Variants in GRID1 observed in about 807,000 individuals in gnomAD.
GRID1 encodes glutamate ionotropic receptor delta type subunit 1, also known as glutamate receptor ionotropic, delta-1.
Under a neutral mutation model 98.0 loss-of-function variants are expected in GRID1, and 28 were observed. The ratio of observed to expected loss-of-function variants is 0.29; its 90% CI spans 0.21 to 0.39. The LOEUF is 0.39. Ranked by LOEUF, GRID1 falls within the 10% of genes least tolerant of loss-of-function variation. GRID1 has a pLI of 1.00. For missense variants in GRID1, 1,111 were observed against 1,340.5 expected, an observed-to-expected ratio of 0.83 and a Z score of 2.67; for synonymous variants, 553 against 538.5, an observed-to-expected ratio of 1.03 and a Z score of -0.37.
chr10:85,877,767 C>T (rs572980822), intron 5 of GRID1, among the ~76,000 whole-genome samples: 11 of 152,268 alleles, frequency 7.2e-5, no homozygotes, highest in East Asian at 1.9e-4. Context: ...CAAAGCTGAA[C>T]GGAGAATGAC....
At chr10:86,042,053 T>C (rs753951290) in intron 4 of GRID1, among the ~76,000 whole-genome samples, 61 of 152,016 alleles carry the variant, frequency 4.0e-4, no homozygotes, top group Admixed American at 1.3e-3. Flanking sequence ...ACCACCAAGC[T>C]GAAAGAGGAA....
At chr10:86,220,643 G>A (rs1846239033) in intron 2 of GRID1, among the ~76,000 whole-genome samples, 1 of 152,226 alleles carries the variant, frequency 6.6e-6, no homozygotes, top group Admixed American at 6.5e-5. Flanking sequence ...TCTCTGAGCA[G>A]GATGCCCAGG....
chr10:86,090,368 A>G (rs1421733846), intron 4 of GRID1, among the ~76,000 whole-genome samples: 1 of 152,056 alleles, frequency 6.6e-6, no homozygotes, highest in Non-Finnish European at 1.5e-5. Flanking sequence ...AGCTGAGATC[A>G]CACCACTGCA....
chr10:85,656,306 G>C (rs1840894361), intron 12 of GRID1, among the ~76,000 whole-genome samples: 1 of 152,172 alleles, frequency 6.6e-6, no homozygotes, highest in East Asian at 1.9e-4. Flanking sequence ...CCACCTTGGA[G>C]GACCTCCTTA....
At chr10:85,872,185 G>A (rs537842999) in intron 5 of GRID1, among the ~76,000 whole-genome samples, 1 of 152,214 alleles carries the variant, frequency 6.6e-6, no homozygotes, top group South Asian at 2.1e-4. Flanking sequence ...ATTCTAATCT[G>A]AGACAAAGTA....
chr10:85,735,119 G>A (rs1009306311), intron 8 of GRID1, among the ~76,000 whole-genome samples: 1 of 152,186 alleles, frequency 6.6e-6, no homozygotes, highest in Admixed American at 6.5e-5. Flanking sequence ...TTGTACATGA[G>A]TGAGTCTACT....
chr10:85,938,484 T>C lies in GRID1; in HGVS notation c.727-22245A>G, dbSNP rs978126473. 2.6e-5 allele frequency among the ~76,000 whole-genome samples: 4 copies of C among 152,220 alleles called. No individual in the cohort carries two copies. The South Asian group carries it at 8.3e-4, about 32-fold the overall frequency. ...ATGCTGGGCAGTGTGCTCAGAGTTTTACATGGCTTGTCTCCCGTAACTCTC... is the reference window on the plus strand; with the variant it reads ...ATGCTGGGCAGTGTGCTCAGAGTTTCACATGGCTTGTCTCCCGTAACTCTC... On this transcript the variant is annotated intron_variant, in intron 4 of 15. Coordinates refer to ENST00000327946, the MANE Select transcript of GRID1 (RefSeq NM_017551.3).
rs545814235 is a variant in GRID1, at chr10:85,713,648, T to C, written c.1997+9355A>G. 3.2e-3 allele frequency among the ~76,000 whole-genome samples: 410 copies of C among 129,998 alleles called. 3 individuals carry two copies. The highest frequency in any genetic ancestry group is 9.9e-3 in the African/African-American group (342 of 34,696). 85.3% of individuals were successfully genotyped at this position (129,998 alleles called of 152,430 possible). On this transcript the variant is annotated intron_variant, in intron 12 of 15. Transcript: ENST00000327946. ...TAGCACATTAAAAAAAAAAAAAACA[T>C]ATCCCATGATCAAGTGGAACTTACC...
intron 2 of GRID1, among the ~76,000 whole-genome samples, chr10:86,326,910 T>G (rs1225521387): frequency 2.0e-5 from 3 of 151,928 alleles, no homozygotes; most frequent in African/African-American, 4.8e-5. Flanking sequence ...CCGAGGCGGG[T>G]GGATGACCTG....
At chr10:85,635,736 C>G (rs1163244669) in intron 13 of GRID1, among the ~76,000 whole-genome samples, 1 of 152,066 alleles carries the variant, frequency 6.6e-6, no homozygotes, top group Non-Finnish European at 1.5e-5. Flanking sequence ...CTGGGATGCA[C>G]TGTGTGGTAA....
chr10:86,287,263 T>C (rs1847445129), intron 2 of GRID1, among the ~76,000 whole-genome samples: 2 of 152,154 alleles, frequency 1.3e-5, no homozygotes, highest in Non-Finnish European at 2.9e-5. Context: ...TTCCCCCCTG[T>C]ATCCCTGAGG....
chr10:85,760,675 T>G (rs776110990), intron 8 of GRID1, among the ~76,000 whole-genome samples: 1 of 152,296 alleles, frequency 6.6e-6, no homozygotes, highest in African/African-American at 2.4e-5. Context: ...ACAATAAGTA[T>G]ACATTTGCAA....
intron 8 of GRID1, among the ~76,000 whole-genome samples, chr10:85,769,769 G>A (rs2132708966): frequency 6.6e-6 from 1 of 152,374 alleles, no homozygotes; most frequent in Admixed American, 6.5e-5. Flanking sequence ...GTGAGGCTGG[G>A]GGAGGGGCGC....
intron 4 of GRID1, among the ~76,000 whole-genome samples, chr10:86,062,291 C>T (rs770079643): frequency 3.9e-5 from 6 of 152,128 alleles, no homozygotes; most frequent in South Asian, 2.1e-4. Flanking sequence ...CACACACACA[C>T]GCACACTTAA....
intron 8 of GRID1, among the ~76,000 whole-genome samples, chr10:85,757,686 G>A (rs1842112103): frequency 6.6e-6 from 1 of 152,204 alleles, no homozygotes; most frequent in Non-Finnish European, 1.5e-5. Context: ...TACTATGTAT[G>A]GTGGTTGAGC....
At chr10:86,056,418 G>A (rs757756893) in intron 4 of GRID1, among the ~76,000 whole-genome samples, 1 of 152,198 alleles carries the variant, frequency 6.6e-6, no homozygotes, top group Non-Finnish European at 1.5e-5. Context: ...ATAAGAACAA[G>A]GAAGAATTGT....
chr10:85,952,852 C>T (rs1166086188), intron 4 of GRID1, among the ~76,000 whole-genome samples: 1 of 152,172 alleles, frequency 6.6e-6, no homozygotes, highest in Non-Finnish European at 1.5e-5. Context: ...GCCTCTTCCA[C>T]CCCTAGAGAG....
At chr10:86,024,256 G>A (rs943623942) in intron 4 of GRID1, among the ~76,000 whole-genome samples, 9 of 152,050 alleles carry the variant, frequency 5.9e-5, no homozygotes, top group East Asian at 3.9e-4. Flanking sequence ...TTCTTCTTCC[G>A]CTATCACCCA....
At chr10:85,832,487 T>C (rs1247085131) in intron 8 of GRID1, among the ~76,000 whole-genome samples, 1 of 152,172 alleles carries the variant, frequency 6.6e-6, no homozygotes, top group Non-Finnish European at 1.5e-5. Context: ...TAAGCATAAT[T>C]TGAGCAATGA....
Sources: gnomAD v4.1 joint callset for allele counts (sites outside exome capture counted in the v4.1 genomes callset) on GRCh38, gnomAD v4.1.1 for gene constraint, MANE v1.5 for transcripts, NCBI Gene and HGNC (gene_info 2026-07-23, HGNC 2026-07-21) for gene names.